Variants in TSGA10IP observed in about 807,000 individuals in gnomAD.
TSGA10IP encodes the protein testis specific 10 interacting protein.
TSGA10IP carries 64 observed loss-of-function variants against 63.2 expected under a neutral mutation model. The observed-to-expected ratio is 1.01, with a 90% CI of 0.83 to 1.25. The LOEUF is 1.25. Among genes scored for constraint, TSGA10IP ranks in the 50% most tolerant of loss-of-function variants. The pLI, the probability that TSGA10IP is intolerant of heterozygous loss-of-function variation, is 0.00. For synonymous variants in TSGA10IP, 316 were observed against 298.3 expected, an observed-to-expected ratio of 1.06 and a Z score of -0.61; for missense variants, 681 against 710.1, an observed-to-expected ratio of 0.96 and a Z score of 0.47.
At chr11:65,947,754 C>A in exon 3 of TSGA10IP, 1 of 1,588,418 alleles carries the variant, frequency 6.3e-7, no homozygotes, top group South Asian at 1.1e-5. Flanking sequence ...TGGAGGAAGA[C>A]AAGGGCCAAG....
rs1480489189 is a variant in TSGA10IP, at chr11:65,953,628, C to A, written c.1213C>A (p.Arg405=). The change falls in exon 5 of 8, where the codon CGG becomes AGG. Residue 405 remains arginine, a synonymous_variant. Transcript: ENST00000532620. ...GGAGCGGCAGCAGGCCGAGCTGCGG[C>A]GGGCCCGGACACAGCATGTACAGCG... is the stretch of plus-strand genomic sequence containing the variant. 3.8e-6 allele frequency: 6 copies of A among 1,586,038 alleles called. No individual in the cohort carries two copies. The East Asian group carries it at 7.1e-5, about 19-fold the overall frequency.
chr11:65,959,717 A>C, intron 7 of TSGA10IP, 100 bp from the exon 8 acceptor site: 1 of 1,442,910 alleles, frequency 6.9e-7, no homozygotes, highest in Non-Finnish European at 9.2e-7. Context: ...TCACACAGCA[A>C]GCCGGCACTG....
exon 5 of TSGA10IP, chr11:65,953,593 A>C (rs1379478046): frequency 2.5e-6 from 4 of 1,590,214 alleles, no homozygotes; most frequent in Non-Finnish European, 3.4e-6. Flanking sequence ...TGGGAGCGGC[A>C]GCGGCAGGAG....
intron 4 of TSGA10IP, among the ~76,000 whole-genome samples, chr11:65,951,518 T>TTTTTTATTATTATTATTATTA (rs56793895): frequency 4.3e-5 from 6 of 139,112 alleles, no homozygotes; most frequent in East Asian, 4.1e-4. Context: ...ATTTGCTTAT[T>TTTTTTATTATTATTATTATTA]TTATTATTAT....
chr11:65,947,384 A>C (rs764889269), exon 3 of TSGA10IP: 2 of 1,612,922 alleles, frequency 1.2e-6, no homozygotes, highest in Non-Finnish European at 1.7e-6. Flanking sequence ...CCCTACTGGC[A>C]AAGGGGAGCT....
chr11:65,959,830 A>G (rs491973), exon 8 of TSGA10IP: 717,900 of 1,565,530 alleles, frequency 0.46, 167,022 homozygotes, highest in Admixed American at 0.63. Context: ...CCACAGGTCA[A>G]TGGGGGTGAG....
At position 65,959,179 on chromosome 11, in the gene TSGA10IP, T is replaced by C; in HGVS notation, c.1423-11T>C. The C allele has an allele frequency of 6.2e-7, 1 of 1,601,140 alleles. No individual in the cohort carries two copies. The highest frequency in any genetic ancestry group is 8.5e-7 in the Non-Finnish European group (1 of 1,175,310). ...TGGTGCAGAGCAGGAAGCCGTCTTC[T>C]CTCTCCTCAGGCCAATGCCCGGCTC... On this transcript the variant is annotated splice_polypyrimidine_tract_variant and intron_variant, in intron 6 of 7. Transcript: ENST00000532620.
In TSGA10IP at chr11:65,958,877, C is replaced by T. The variant is rs773960977; in HGVS notation, c.1323-6C>T. ...TTAGCTGCACAAAGGCCTGTCTCCC[C>T]TGCAGGCGCCAGGAGCGACAGCGCT... On this transcript the variant is annotated splice_polypyrimidine_tract_variant and splice_region_variant and intron_variant, in intron 5 of 7. Transcript: ENST00000532620. The T allele has an allele frequency of 3.7e-6, 6 of 1,611,102 alleles. No individual in the cohort carries two copies. In the Admixed American group the frequency reaches 6.7e-5, roughly 18 times the overall value.
chr11:65,958,849 TG>T, intron 5 of TSGA10IP, 33 bp from the exon 6 acceptor site: 1 of 1,584,116 alleles, frequency 6.3e-7, no homozygotes, highest in South Asian at 1.1e-5. Context: ...GTTGTGTCCA[TG>T]GTTAGCTGCA....
intron 5 of TSGA10IP, among the ~76,000 whole-genome samples, chr11:65,957,952 A>C (rs574381758): frequency 4.6e-5 from 7 of 152,348 alleles, no homozygotes; most frequent in African/African-American, 1.7e-4. Flanking sequence ...CAAGTGCACA[A>C]ACTGGGTTTT....
At chr11:65,948,188 A>G in intron 4 of TSGA10IP, 40 bp downstream of exon 4, 1 of 1,573,946 alleles carries the variant, frequency 6.4e-7, no homozygotes, top group Non-Finnish European at 8.6e-7. Context: ...CAGAATGAGA[A>G]GTAGAGATGG....
At chr11:65,955,655 G>A (rs1339312487) in intron 5 of TSGA10IP, among the ~76,000 whole-genome samples, 1 of 151,822 alleles carries the variant, frequency 6.6e-6, no homozygotes, top group East Asian at 1.9e-4. Context: ...CGAGGGCACA[G>A]GGGCTGCAGA....
exon 3 of TSGA10IP, chr11:65,947,398 A>C (rs1186677343): frequency 1.2e-6 from 2 of 1,613,124 alleles, no homozygotes; most frequent in South Asian, 1.1e-5. Flanking sequence ...GGGAGCTAGG[A>C]TCAGAGCCCC....
chr11:65,947,099 T>C lies in TSGA10IP; in HGVS notation c.285-11T>C. The C allele has an allele frequency of 1.2e-6, 2 of 1,609,404 alleles. No homozygotes were observed. The highest frequency in any genetic ancestry group is 2.2e-5 in the South Asian group (2 of 91,002). ...GGCGCCGACCCTGACCCCCACCCTT[T>C]CCTTCTTCAGTCACTTCCCGCTTCT... On this transcript the variant is annotated splice_polypyrimidine_tract_variant and intron_variant, in intron 2 of 7. Transcript: ENST00000532620.
intron 4 of TSGA10IP, among the ~76,000 whole-genome samples, chr11:65,952,563 C>T (rs1361309032): frequency 6.6e-6 from 1 of 152,058 alleles, no homozygotes; most frequent in African/African-American, 2.4e-5. Context: ...ATTCTCCCAC[C>T]TTAACCTCCC....
intron 4 of TSGA10IP, among the ~76,000 whole-genome samples, chr11:65,951,486 T>C (rs1226867320): frequency 6.7e-6 from 1 of 149,808 alleles, no homozygotes; most frequent in Non-Finnish European, 1.5e-5. Context: ...ATGTCTTTTT[T>C]TGAGAAATGT....
chr11:65,949,799 T>C (rs1241829822), intron 4 of TSGA10IP, among the ~76,000 whole-genome samples: 1 of 152,048 alleles, frequency 6.6e-6, no homozygotes, highest in Non-Finnish European at 1.5e-5. Flanking sequence ...TTGAAATATG[T>C]TTATATTGTT....
chr11:65,947,654 A>T (rs1854864254), exon 3 of TSGA10IP: 1 of 1,611,908 alleles, frequency 6.2e-7, no homozygotes, highest in Admixed American at 1.7e-5. Context: ...AAAGGGGCAG[A>T]TTTCTGGAGA....
Position 65,948,276 on chromosome 11 carries a change from TCATCCATC to T in TSGA10IP, c.1151+163_1151+170del, listed in dbSNP as rs200343600. 3.5e-4 allele frequency: 362 copies of T among 1,048,588 alleles called. 3 individuals are homozygous for T. The East Asian group carries it at 6.8e-3, about 20-fold the overall frequency. The allele number at this position is 1,048,588 out of a possible 1,614,324, so 65.0% of individuals were successfully genotyped here. ...TTTATCCATTCACCAAACTTTTGGA[TCATCCATC>T]CATCCATCCATCCATCCATCCATCC... On this transcript the variant is annotated intron_variant, in intron 4 of 7. Coordinates refer to ENST00000532620, the Ensembl canonical transcript of TSGA10IP.
Sources: gnomAD v4.1 joint callset for allele counts (sites outside exome capture counted in the v4.1 genomes callset) on GRCh38, gnomAD v4.1.1 for gene constraint, MANE v1.5 for transcripts, NCBI Gene and HGNC (gene_info 2026-07-23, HGNC 2026-07-21) for gene names.